Variants in SLC26A2 observed in about 807,000 individuals in gnomAD.
The protein encoded by SLC26A2 is solute carrier family 26 member 2.
Under a neutral mutation model 41.1 loss-of-function variants are expected in SLC26A2, and 36 were observed. The observed-to-expected ratio is 0.88, with a 90% CI of 0.67 to 1.16. The LOEUF (loss-of-function observed/expected upper bound fraction) is 1.16, where lower values mean the gene tolerates loss of function less well. Ranked by LOEUF, SLC26A2 falls within the 50% of genes most tolerant of loss-of-function variation. SLC26A2 has a pLI of 0.00. For synonymous variants in SLC26A2, 291 were observed against 311.6 expected (o/e 0.93, Z 0.70); for missense variants, 796 against 869.6 (o/e 0.92, Z 1.07).
rs1378405633 is a variant in SLC26A2, at chr5:149,982,613, T to G, written c.*800T>G. On this transcript the variant is annotated 3_prime_UTR_variant, in exon 3 of 3. Transcript: ENST00000286298. The stretch of plus-strand genomic sequence containing the variant: ...CTTGTTTCTGAGACTTTCTCTACCA[T>G]TAAGCTCTATTTTAGCTTTCAGTTA... 1.3e-5 allele frequency: 2 copies of G among 152,236 alleles called. No individual in the cohort carries two copies. Among genetic ancestry groups the G allele is most frequent in the African/African-American group, 4.8e-5 (2 of 41,466 alleles). The allele number at this position is 152,236 out of a possible 1,614,324, so 9.4% of individuals were successfully genotyped here. A position where few individuals can be genotyped will look rare whatever the true frequency, so the allele number is the denominator to read the frequency against.
intron 1 of SLC26A2, among the ~76,000 whole-genome samples, chr5:149,973,577 C>A (rs1754940490): frequency 6.6e-6 from 1 of 151,962 alleles, no homozygotes; most frequent in Non-Finnish European, 1.5e-5. Context: ...ATATATGGTG[C>A]TGGTCTGCTG....
Position 149,977,683 on chromosome 5 carries a change from G to T in SLC26A2, c.31G>T (p.Val11Phe), listed in dbSNP as rs770366919. The change falls in exon 2 of 3, where the codon GTT (valine) becomes TTT (phenylalanine). Residue 11 changes from valine (V) to phenylalanine (F), a missense_variant. Transcript: ENST00000286298. MSSESKEQHN[V>F]SPRDSAEGND... ...TTCAGAAAGTAAAGAGCAACATAAC[G>T]TTTCACCCAGAGACTCAGCTGAAGG... 6.2e-7 allele frequency: 1 copy of T among 1,613,864 alleles called. No individual in the cohort carries two copies. The highest frequency in any genetic ancestry group is 8.5e-7 in the Non-Finnish European group (1 of 1,179,836).
rs962697853 is a variant in SLC26A2, at chr5:149,986,400, G to C, written c.*4587G>C. On this transcript the variant is annotated 3_prime_UTR_variant, in exon 3 of 3. Coordinates refer to ENST00000286298, the MANE Select transcript of SLC26A2 (RefSeq NM_000112.4). ...ACCAGCTGGTTTGTTATTATAGTCC[G>C]TGTATTAAAATACTATTGAAATACG... 6.6e-6 allele frequency: 1 copy of C among 151,964 alleles called. No individual in the cohort carries two copies. The highest frequency in any genetic ancestry group is 1.9e-4 in the East Asian group (1 of 5,198). 9.4% of individuals were successfully genotyped at this position (151,964 alleles called of 1,614,324 possible).
At chr5:149,978,956 A>G (rs1755046527) in intron 2 of SLC26A2, among the ~76,000 whole-genome samples, 1 of 151,854 alleles carries the variant, frequency 6.6e-6, no homozygotes, top group Admixed American at 6.6e-5. Context: ...GAGCTCAAGC[A>G]ATCCTCCCGT....
intron 1 of SLC26A2, among the ~76,000 whole-genome samples, chr5:149,963,140 A>T (rs1754742109): frequency 6.6e-6 from 1 of 150,828 alleles, no homozygotes; most frequent in African/African-American, 2.4e-5. Context: ...ATGGAGTTTC[A>T]CTCTTGTTGC....
At chr5:149,977,220 G>A (rs1755006817) in intron 1 of SLC26A2, among the ~76,000 whole-genome samples, 1 of 152,194 alleles carries the variant, frequency 6.6e-6, no homozygotes, top group Non-Finnish European at 1.5e-5. Flanking sequence ...TAGGGGTTAA[G>A]ACCAGATCCT....
Position 149,980,632 on chromosome 5 carries a change from T to C in SLC26A2, c.1039T>C (p.Ser347Pro). ...TGTTGTTGTAGCAGCCACATTAGCCTCTCATTTTGGAAAACTACATGAAAA... is the reference window on the plus strand; with the variant it reads ...TGTTGTTGTAGCAGCCACATTAGCCCCTCATTTTGGAAAACTACATGAAAA... ...LVVVVAATLA[S>P]HFGKLHENYN... The change falls in exon 3 of 3, where the codon TCT becomes CCT. Residue 347 changes from serine to proline, a missense_variant. Ser to Pro is a moderately conservative substitution (Grantham distance 74). Coordinates refer to ENST00000286298, the MANE Select transcript of SLC26A2 (RefSeq NM_000112.4). 1.2e-6 allele frequency: 2 copies of C among 1,614,048 alleles called. No homozygotes were observed. The highest frequency in any genetic ancestry group is 1.7e-6 in the Non-Finnish European group (2 of 1,179,920).
At chr5:149,963,518 C>T (rs1014708794) in intron 1 of SLC26A2, among the ~76,000 whole-genome samples, 2 of 151,732 alleles carry the variant, frequency 1.3e-5, no homozygotes, top group African/African-American at 4.8e-5. Context: ...ACCTCGTGAT[C>T]CGCCTGCCTC....
At chr5:149,964,592 A>G (rs1370006371) in intron 1 of SLC26A2, among the ~76,000 whole-genome samples, 1 of 152,130 alleles carries the variant, frequency 6.6e-6, no homozygotes, top group Non-Finnish European at 1.5e-5. Context: ...CCTGGCTAAC[A>G]CGGTGAAACT....
chr5:149,979,492 A>G (rs1360412572), intron 2 of SLC26A2, among the ~76,000 whole-genome samples: 2 of 152,136 alleles, frequency 1.3e-5, no homozygotes, highest in South Asian at 2.1e-4. Context: ...GATCCTCCCA[A>G]TATTGCCTCC....
chr5:149,964,952 A>G (rs571490487), intron 1 of SLC26A2, among the ~76,000 whole-genome samples: 5 of 152,330 alleles, frequency 3.3e-5, no homozygotes, highest in African/African-American at 1.2e-4. Flanking sequence ...CTATGCCTGC[A>G]ACTTTCAAAT....
Position 149,967,141 on chromosome 5 carries a change from C to T in SLC26A2, c.-26+6162C>T, listed in dbSNP as rs185601506. Among the ~76,000 whole-genome samples the T allele has an allele frequency of 2.5e-4, 38 of 152,238 alleles. 1 individual carries two copies. The highest frequency in any genetic ancestry group is 2.4e-3 in the Admixed American group (37 of 15,290). On this transcript the variant is annotated intron_variant, in intron 1 of 2. Coordinates refer to ENST00000286298, the MANE Select transcript of SLC26A2 (RefSeq NM_000112.4). ...TCATGCCACTGCACTCCAGTCTGAG[C>T]AACAGAGTGAGACTGTGTCTCTTAA...
At chr5:149,971,829 G>A (rs902660651) in intron 1 of SLC26A2, among the ~76,000 whole-genome samples, 4 of 152,162 alleles carry the variant, frequency 2.6e-5, no homozygotes, top group Non-Finnish European at 5.9e-5. Context: ...ATGATTATTT[G>A]CCAAATGAGT....
At chr5:149,965,063 G>A (rs1754783336) in intron 1 of SLC26A2, among the ~76,000 whole-genome samples, 2 of 152,160 alleles carry the variant, frequency 1.3e-5, no homozygotes, top group Non-Finnish European at 2.9e-5. Context: ...TTGTTAGTAT[G>A]GAAGTGTTCC....
rs1234381570 is a variant in SLC26A2, at chr5:149,980,976, C to A, written c.1383C>A (p.Ala461=). 6.2e-7 allele frequency: 1 copy of A among 1,614,060 alleles called. No individual in the cohort carries two copies. Residue 461 remains alanine, a synonymous_variant, in exon 3 of 3, where the codon GCC becomes GCA. Coordinates refer to ENST00000286298, the MANE Select transcript of SLC26A2 (RefSeq NM_000112.4). ...CTCAGCTTTCTGGTGTGGTAACAGC[C>A]CTGGTTCTTTTGTTGGTCCTCCTAG... is the stretch of plus-strand genomic sequence containing the variant. The part of the protein sequence containing the change: ...CHTQLSGVVT[A]LVLLLVLLVI...
chr5:149,969,022 G>A (rs1221355937), intron 1 of SLC26A2, among the ~76,000 whole-genome samples: 3 of 152,126 alleles, frequency 2.0e-5, no homozygotes, highest in Non-Finnish European at 4.4e-5. Flanking sequence ...GATTACACGT[G>A]TGAGCCACTG....
chr5:149,972,428 A>G (rs1186443705), intron 1 of SLC26A2, among the ~76,000 whole-genome samples: 1 of 152,236 alleles, frequency 6.6e-6, no homozygotes, highest in Non-Finnish European at 1.5e-5. Context: ...TGATATTATT[A>G]CTGGATCACT....
At chr5:149,972,878 G>A (rs183450161) in intron 1 of SLC26A2, among the ~76,000 whole-genome samples, 3 of 151,564 alleles carry the variant, frequency 2.0e-5, no homozygotes, top group African/African-American at 7.2e-5. Context: ...ACTTTCTCTT[G>A]AGTTGAGAGT....
At chr5:149,973,993 T>A (rs1754948160) in intron 1 of SLC26A2, among the ~76,000 whole-genome samples, 1 of 151,944 alleles carries the variant, frequency 6.6e-6, no homozygotes, top group Non-Finnish European at 1.5e-5. Context: ...CAAAAAAAAT[T>A]AAAAAATGAG....
Sources: gnomAD v4.1 joint callset for allele counts (sites outside exome capture counted in the v4.1 genomes callset) on GRCh38, gnomAD v4.1.1 for gene constraint, MANE v1.5 for transcripts, NCBI Gene and HGNC (gene_info 2026-07-23, HGNC 2026-07-21) for gene names.